Variants in FRMD4B observed in about 807,000 individuals in gnomAD.
The protein encoded by FRMD4B is FERM domain containing 4B.
In FRMD4B, 74 loss-of-function variants were observed where a neutral mutation model predicts 141.5. The ratio of observed to expected loss-of-function variants is 0.52; its 90% CI spans 0.43 to 0.63. The LOEUF is 0.63. Ranked by LOEUF, FRMD4B falls within the 30% of genes least tolerant of loss-of-function variation. The pLI is 0.00. For missense variants in FRMD4B, 1,366 were observed against 1,253.4 expected (o/e 1.09, Z -1.36); for synonymous variants, 506 against 467.9 (o/e 1.08, Z -1.05).
intron 1 of FRMD4B, among the ~76,000 whole-genome samples, chr3:69,509,290 T>C (rs1415770115): frequency 6.6e-6 from 1 of 152,234 alleles, no homozygotes; most frequent in Non-Finnish European, 1.5e-5. Context: ...ACGTCTTCAC[T>C]TGAGGCCAGT....
intron 4 of FRMD4B, among the ~76,000 whole-genome samples, chr3:69,301,535 G>A (rs1018098404): frequency 2.0e-5 from 3 of 152,040 alleles, no homozygotes; most frequent in Non-Finnish European, 2.9e-5. Flanking sequence ...TTGCCATGTT[G>A]GCCAGGCTGT....
intron 5 of FRMD4B, among the ~76,000 whole-genome samples, chr3:69,268,456 C>G (rs924959260): frequency 1.4e-4 from 21 of 152,010 alleles, no homozygotes; most frequent in African/African-American, 5.1e-4. Flanking sequence ...TGTACTTACC[C>G]TTCCACATTA....
At chr3:69,445,183 C>G (rs1369569345) in intron 1 of FRMD4B, among the ~76,000 whole-genome samples, 1 of 152,120 alleles carries the variant, frequency 6.6e-6, no homozygotes, top group African/African-American at 2.4e-5. Context: ...GCTGAAAAGG[C>G]TCATAAAAAG....
At chr3:69,328,113 G>A (rs1702243726) in intron 1 of FRMD4B, among the ~76,000 whole-genome samples, 1 of 152,204 alleles carries the variant, frequency 6.6e-6, no homozygotes, top group African/African-American at 2.4e-5. Context: ...GAATGGTGGT[G>A]GAGAGCTGGC....
At chr3:69,519,930 T>A (rs1456542544) in intron 1 of FRMD4B, among the ~76,000 whole-genome samples, 1 of 150,092 alleles carries the variant, frequency 6.7e-6, no homozygotes, top group Non-Finnish European at 1.5e-5. Context: ...AGAATAATAG[T>A]CTCCAATTTT....
In FRMD4B at chr3:69,347,225, G is replaced by C. The variant is rs543214314; in HGVS notation, c.163-33708C>G. ...GACTTTAAACCAACAAAGATCAAAA[G>C]AGACAAAGAAGGCCATTACATAATG... On this transcript the variant is annotated intron_variant, in intron 1 of 22. Transcript: ENST00000398540. 5.9e-5 allele frequency among the ~76,000 whole-genome samples: 9 copies of C among 152,288 alleles called. No individual in the cohort carries two copies. In the South Asian group the frequency reaches 1.9e-3, roughly 32 times the overall value.
At chr3:69,210,362 A>T (rs1338712325) in intron 11 of FRMD4B, among the ~76,000 whole-genome samples, 2 of 152,118 alleles carry the variant, frequency 1.3e-5, no homozygotes, top group African/African-American at 4.8e-5. Context: ...TATGAAGAAC[A>T]GACATTTTTC....
At chr3:69,308,120 A>C (rs1213218502) in intron 3 of FRMD4B, among the ~76,000 whole-genome samples, 2 of 151,332 alleles carry the variant, frequency 1.3e-5, no homozygotes, top group Non-Finnish European at 2.9e-5. Context: ...CCTTCTTAAC[A>C]CTCCCTTACT....
intron 1 of FRMD4B, among the ~76,000 whole-genome samples, chr3:69,455,453 A>G (rs190017753): frequency 6.6e-6 from 1 of 152,034 alleles, no homozygotes; most frequent in African/African-American, 2.4e-5. Context: ...GGAATGAACA[A>G]CTCCAGACAT....
At chr3:69,410,204 T>C (rs986097595) in intron 2 of FRMD4B, among the ~76,000 whole-genome samples, 1 of 152,340 alleles carries the variant, frequency 6.6e-6, no homozygotes, top group East Asian at 1.9e-4. Flanking sequence ...CTCTTGCTCC[T>C]GACTATTCCT....
intron 1 of FRMD4B, among the ~76,000 whole-genome samples, chr3:69,326,119 A>ATTT (rs371350022): frequency 1.7e-4 from 23 of 133,682 alleles, no homozygotes; most frequent in Admixed American, 3.8e-4. Flanking sequence ...TGGCTAATCA[A>ATTT]TTTTTTTTTT....
At chr3:69,383,645 G>T (rs1353449814) in intron 1 of FRMD4B, among the ~76,000 whole-genome samples, 7 of 152,174 alleles carry the variant, frequency 4.6e-5, no homozygotes, top group Admixed American at 4.6e-4. Flanking sequence ...CTGCAGCATT[G>T]AACTCCTGGG....
chr3:69,532,032 G>C (rs150312754), intron 1 of FRMD4B, among the ~76,000 whole-genome samples: 35 of 152,300 alleles, frequency 2.3e-4, no homozygotes, highest in African/African-American at 7.5e-4. Context: ...AAATGACCAT[G>C]ATATGTCCTC....
At chr3:69,441,662 T>G (rs1705346285) in intron 1 of FRMD4B, among the ~76,000 whole-genome samples, 1 of 152,186 alleles carries the variant, frequency 6.6e-6, no homozygotes, top group Admixed American at 6.5e-5. Context: ...CCTACAGCAA[T>G]TCCTGGCACA....
At chr3:69,179,027 C>T (rs2092678296) in intron 21 of FRMD4B, among the ~76,000 whole-genome samples, 1 of 151,690 alleles carries the variant, frequency 6.6e-6, no homozygotes, top group Non-Finnish European at 1.5e-5. Context: ...TTTATCACTC[C>T]ATGAGAATGA....
intron 7 of FRMD4B, among the ~76,000 whole-genome samples, chr3:69,237,829 C>G (rs1275176367): frequency 6.6e-6 from 1 of 152,224 alleles, no homozygotes; most frequent in Non-Finnish European, 1.5e-5. Context: ...CTCCTGGGTT[C>G]AAGTGATTCT....
chr3:69,485,988 C>T (rs1575587625), intron 1 of FRMD4B, among the ~76,000 whole-genome samples: 2 of 152,316 alleles, frequency 1.3e-5, no homozygotes, highest in Non-Finnish European at 2.9e-5. Flanking sequence ...ATTATAATTA[C>T]AGATGATTCT....
At chr3:69,376,118 A>T (rs1442737394) in intron 1 of FRMD4B, among the ~76,000 whole-genome samples, 1 of 152,202 alleles carries the variant, frequency 6.6e-6, no homozygotes, top group Non-Finnish European at 1.5e-5. Flanking sequence ...TTGTTTATAG[A>T]TACAAACAGA....
intron 2 of FRMD4B, among the ~76,000 whole-genome samples, chr3:69,402,862 T>A (rs747918614): frequency 2.0e-5 from 3 of 152,152 alleles, no homozygotes; most frequent in Non-Finnish European, 2.9e-5. Flanking sequence ...CAATGAGATA[T>A]ACATATGAAA....
Sources: allele counts gnomAD v4.1 joint callset (sites outside exome capture counted in the v4.1 genomes callset), GRCh38; gene constraint gnomAD v4.1.1; transcripts MANE v1.5; gene names NCBI Gene and HGNC (gene_info 2026-07-23, HGNC 2026-07-21).